MYT1L: variants seen among roughly 807,000 people sequenced by gnomAD.
MYT1L encodes myelin transcription factor 1-like protein.
In MYT1L, 12 loss-of-function variants were observed where a neutral mutation model predicts 126.7. The observed-to-expected ratio is 0.09, with a 90% CI of 0.06 to 0.15. The LOEUF is 0.15. Among genes scored for constraint, MYT1L ranks in the 10% least tolerant of loss-of-function variants. MYT1L has a pLI of 1.00. For synonymous variants in MYT1L, 541 were observed against 604.2 expected (o/e 0.90, Z 1.53); for missense variants, 979 against 1,585.2 (o/e 0.62, Z 6.49).
At chr2:2,282,757 C>T (rs767566517) in intron 2 of MYT1L, among the ~76,000 whole-genome samples, 11 of 152,170 alleles carry the variant, frequency 7.2e-5, no homozygotes, top group African/African-American at 1.9e-4. Flanking sequence ...GATGAGGTAA[C>T]GGAATAAAAT....
intron 1 of MYT1L, among the ~76,000 whole-genome samples, chr2:2,290,384 C>T (rs1444082997): frequency 2.0e-5 from 3 of 152,184 alleles, no homozygotes; most frequent in Non-Finnish European, 4.4e-5. Flanking sequence ...TGGATGACCT[C>T]ATCTCGAAGA....
intron 4 of MYT1L, among the ~76,000 whole-genome samples, chr2:2,004,336 T>C (rs374720502): frequency 8.6e-6 from 1 of 116,602 alleles, no homozygotes; most frequent in Non-Finnish European, 1.7e-5. Flanking sequence ...CTTTCCTGCA[T>C]ACGTTCTTTC....
At chr2:1,976,557 C>T (rs1343913262) in intron 8 of MYT1L, among the ~76,000 whole-genome samples, 1 of 151,998 alleles carries the variant, frequency 6.6e-6, no homozygotes, top group Non-Finnish European at 1.5e-5. Flanking sequence ...CATGAGAATA[C>T]CTTGAACCCA....
intron 2 of MYT1L, among the ~76,000 whole-genome samples, chr2:2,185,417 T>A (rs568455680): frequency 1.3e-5 from 2 of 152,364 alleles, no homozygotes; most frequent in South Asian, 4.1e-4. Context: ...ATTCACCTGA[T>A]TGGCCTCCAC....
chr2:2,119,852 T>G (rs2080745819), intron 3 of MYT1L, among the ~76,000 whole-genome samples: 1 of 152,148 alleles, frequency 6.6e-6, no homozygotes, highest in Non-Finnish European at 1.5e-5. Flanking sequence ...AACTGTAAAG[T>G]GAAAGTATTT....
chr2:2,277,297 C>G (rs571546873), intron 2 of MYT1L, among the ~76,000 whole-genome samples: 1 of 152,222 alleles, frequency 6.6e-6, no homozygotes, highest in Non-Finnish European at 1.5e-5. Context: ...TTCCAAAATG[C>G]TCCATCTTTA....
chr2:1,916,262 T>C (rs2052810160), intron 11 of MYT1L, among the ~76,000 whole-genome samples: 1 of 152,212 alleles, frequency 6.6e-6, no homozygotes, highest in Non-Finnish European at 1.5e-5. Context: ...TGCTCTCAAG[T>C]ATCTCAAAGT....
intron 1 of MYT1L, among the ~76,000 whole-genome samples, chr2:2,290,340 A>G (rs1047942619): frequency 6.6e-6 from 1 of 152,176 alleles, no homozygotes; most frequent in Non-Finnish European, 1.5e-5. Context: ...TTCGTTTTTT[A>G]AAAGGTTCTT....
chr2:2,270,849 C>T (rs976879380), intron 2 of MYT1L, among the ~76,000 whole-genome samples: 5 of 152,032 alleles, frequency 3.3e-5, no homozygotes, highest in African/African-American at 1.2e-4. Flanking sequence ...CAAAGCAGTG[C>T]CGGGCATCCT....
At chr2:1,821,585 G>C (rs970329959) in intron 21 of MYT1L, among the ~76,000 whole-genome samples, 3 of 152,120 alleles carry the variant, frequency 2.0e-5, no homozygotes, top group African/African-American at 7.2e-5. Context: ...TTGCCCCCTG[G>C]TAAGGCTGGT....
intron 3 of MYT1L, among the ~76,000 whole-genome samples, chr2:2,103,078 G>A (rs1239982892): frequency 6.6e-6 from 1 of 152,042 alleles, no homozygotes; most frequent in Non-Finnish European, 1.5e-5. Flanking sequence ...CCATCCTCAA[G>A]AGGAGGTTGA....
chr2:2,116,906 G>C (rs1206713231), intron 3 of MYT1L, among the ~76,000 whole-genome samples: 1 of 152,236 alleles, frequency 6.6e-6, no homozygotes, highest in African/African-American at 2.4e-5. Flanking sequence ...CCCAGCAGTT[G>C]TCAGAAGACT....
At chr2:2,179,741 T>C (rs1388763193) in intron 2 of MYT1L, among the ~76,000 whole-genome samples, 1 of 152,188 alleles carries the variant, frequency 6.6e-6, no homozygotes, top group Non-Finnish European at 1.5e-5. Flanking sequence ...GGTGACATGT[T>C]ATTTCTCAAT....
intron 2 of MYT1L, among the ~76,000 whole-genome samples, chr2:2,254,512 T>C (rs2094753423): frequency 6.6e-6 from 1 of 152,230 alleles, no homozygotes; most frequent in Non-Finnish European, 1.5e-5. Context: ...GTGGCCTCCA[T>C]GCTCCTGTCT....
intron 3 of MYT1L, among the ~76,000 whole-genome samples, chr2:2,111,497 G>A (rs1244207649): frequency 6.6e-6 from 1 of 152,204 alleles, no homozygotes; most frequent in Non-Finnish European, 1.5e-5. Flanking sequence ...GAAACTGGGA[G>A]CCATTTTCAA....
chr2:1,992,511 G>T (rs898449891), intron 5 of MYT1L, among the ~76,000 whole-genome samples: 2 of 152,130 alleles, frequency 1.3e-5, no homozygotes, highest in African/African-American at 4.8e-5. Context: ...GAATTCTCGG[G>T]CATAAGAACC....
At chr2:1,908,476 G>A (rs1473548251) in intron 13 of MYT1L, among the ~76,000 whole-genome samples, 1 of 152,122 alleles carries the variant, frequency 6.6e-6, no homozygotes. Flanking sequence ...GGTGGGCAGT[G>A]CAGTCACCTG....
intron 2 of MYT1L, among the ~76,000 whole-genome samples, chr2:2,214,672 G>A (rs2148930486): frequency 6.6e-6 from 1 of 152,278 alleles, no homozygotes; most frequent in East Asian, 1.9e-4. Context: ...ATATAGAGAA[G>A]CTGAAAGAAT....
chr2:1,872,271 C>T (rs1466410292), intron 18 of MYT1L, among the ~76,000 whole-genome samples: 2 of 152,210 alleles, frequency 1.3e-5, no homozygotes, highest in African/African-American at 4.8e-5. Flanking sequence ...GTTTCCATCA[C>T]GTTCTCACCC....
Sources: allele counts gnomAD v4.1 joint callset (sites outside exome capture counted in the v4.1 genomes callset), GRCh38; gene constraint gnomAD v4.1.1; transcripts MANE v1.5; gene names NCBI Gene and HGNC (gene_info 2026-07-23, HGNC 2026-07-21).